Variants in CA10 observed in about 807,000 individuals in gnomAD.
CA10 encodes the protein carbonic anhydrase-related protein 10.
Under a neutral mutation model 44.2 loss-of-function variants are expected in CA10, and 14 were observed. The ratio of observed to expected loss-of-function variants is 0.32; its 90% CI spans 0.21 to 0.50. The LOEUF (loss-of-function observed/expected upper bound fraction) is 0.50, where lower values mean the gene tolerates loss of function less well. CA10 is among the 20% of genes least tolerant of loss of function. The pLI is 0.99. For missense variants in CA10, 350 were observed against 409.7 expected, an observed-to-expected ratio of 0.85 and a Z score of 1.26; for synonymous variants, 159 against 141.6, an observed-to-expected ratio of 1.12 and a Z score of -0.87.
chr17:52,130,410 C>T (rs1373428875), intron 1 of CA10, among the ~76,000 whole-genome samples: 2 of 152,118 alleles, frequency 1.3e-5, no homozygotes, highest in East Asian at 3.9e-4. Flanking sequence ...TCTAAATGTC[C>T]ATCAATTGAT....
intron 3 of CA10, among the ~76,000 whole-genome samples, chr17:51,913,585 C>A (rs1324858465): frequency 6.6e-6 from 1 of 152,086 alleles, no homozygotes; most frequent in Non-Finnish European, 1.5e-5. Flanking sequence ...TGGAGAAATA[C>A]CACTGTCATG....
chr17:52,145,996 A>G (rs1989574592), intron 1 of CA10, among the ~76,000 whole-genome samples: 1 of 152,244 alleles, frequency 6.6e-6, no homozygotes. Context: ...AGGGAAAGTT[A>G]AATATAAATA....
chr17:52,039,130 TC>T (rs1394868133), intron 2 of CA10, among the ~76,000 whole-genome samples: 1 of 152,142 alleles, frequency 6.6e-6, no homozygotes, highest in African/African-American at 2.4e-5. Flanking sequence ...ACAATTTGGT[TC>T]TTAGGAATCT....
intron 3 of CA10, among the ~76,000 whole-genome samples, chr17:51,860,816 C>T (rs1049862323): frequency 1.8e-4 from 28 of 152,098 alleles, no homozygotes; most frequent in African/African-American, 5.5e-4. Flanking sequence ...GAATAGACGC[C>T]CCTCCAGCAG....
At chr17:51,680,195 T>G (rs1037011947) in intron 4 of CA10, among the ~76,000 whole-genome samples, 3 of 152,174 alleles carry the variant, frequency 2.0e-5, no homozygotes, top group African/African-American at 7.2e-5. Flanking sequence ...GAAGACTTCA[T>G]GGAGGAAGAG....
intron 3 of CA10, among the ~76,000 whole-genome samples, chr17:51,918,487 G>A (rs1009523458): frequency 6.6e-6 from 1 of 152,136 alleles, no homozygotes; most frequent in African/African-American, 2.4e-5. Context: ...CTGTGTGCGT[G>A]TATACATTTT....
chr17:51,764,404 G>T (rs933193226), intron 3 of CA10, among the ~76,000 whole-genome samples: 1 of 152,252 alleles, frequency 6.6e-6, no homozygotes, highest in African/African-American at 2.4e-5. Context: ...GTAATTATCT[G>T]CCCCCATGTC....
chr17:51,788,073 T>G (rs1906365434), intron 3 of CA10, among the ~76,000 whole-genome samples: 1 of 152,174 alleles, frequency 6.6e-6, no homozygotes, highest in South Asian at 2.1e-4. Context: ...TTTTTCTTCT[T>G]TTTTGATGCA....
rs147995960 is a variant in CA10, at chr17:51,813,664, AT to A, written c.280-65847del. On this transcript the variant is annotated intron_variant, in intron 3 of 8. Coordinates refer to ENST00000451037, the MANE Select transcript of CA10 (RefSeq NM_020178.5). ...TGAGAGAGAGCTGGAGCTTTAGTGGATTCTCGATAAAGCTGTGTGCAATTAC... is the reference window on the plus strand; with the variant it reads ...TGAGAGAGAGCTGGAGCTTTAGTGGATCTCGATAAAGCTGTGTGCAATTAC... 6.1e-3 allele frequency among the ~76,000 whole-genome samples: 934 copies of A among 152,238 alleles called. 5 individuals carry two copies. The highest frequency in any genetic ancestry group is 0.021 in the African/African-American group (878 of 41,526).
At chr17:51,860,371 C>G (rs1183048783) in intron 3 of CA10, among the ~76,000 whole-genome samples, 2 of 152,184 alleles carry the variant, frequency 1.3e-5, no homozygotes, top group African/African-American at 2.4e-5. Flanking sequence ...GTCTTGTTTT[C>G]TTTCTCCAAA....
chr17:51,633,384 A>G (rs1912675120), intron 8 of CA10, 92 bp downstream of exon 8: 1 of 1,197,434 alleles, frequency 8.4e-7, no homozygotes, highest in Non-Finnish European at 1.2e-6. Context: ...CATTCCTATA[A>G]TGGAAGATAA....
At chr17:51,636,775 TTGTGTGTGTGTGTGTGTGTGTGTG>T (rs57428535) in intron 6 of CA10, among the ~76,000 whole-genome samples, 1 of 146,512 alleles carries the variant, frequency 6.8e-6, no homozygotes, top group Non-Finnish European at 1.5e-5. Context: ...ACTGATTATT[TTGTGTGTGTGTGTGTGTGTGTGTG>T]TGTGTGTGTG....
intron 2 of CA10, among the ~76,000 whole-genome samples, chr17:51,976,155 A>T (rs1984454642): frequency 1.3e-5 from 2 of 152,150 alleles, no homozygotes. Context: ...AATCTCTCAA[A>T]CTCTCAAAGT....
intron 3 of CA10, among the ~76,000 whole-genome samples, chr17:51,828,524 A>C (rs537923061): frequency 1.3e-5 from 2 of 152,162 alleles, no homozygotes. Flanking sequence ...TTGGGTAGAT[A>C]CTAAAAAAAA....
intron 4 of CA10, among the ~76,000 whole-genome samples, chr17:51,694,317 G>T (rs906184716): frequency 1.3e-5 from 2 of 151,970 alleles, no homozygotes; most frequent in South Asian, 4.1e-4. Context: ...GCCAGTATCT[G>T]TTGTTTTTTG....
At chr17:52,102,792 T>A (rs191719513) in intron 1 of CA10, among the ~76,000 whole-genome samples, 1 of 152,214 alleles carries the variant, frequency 6.6e-6, no homozygotes, top group Non-Finnish European at 1.5e-5. Flanking sequence ...AGTATTCTTC[T>A]CAAGAATGTA....
chr17:52,035,268 T>C (rs765870797), intron 2 of CA10, among the ~76,000 whole-genome samples: 6 of 152,168 alleles, frequency 3.9e-5, no homozygotes, highest in Non-Finnish European at 8.8e-5. Context: ...GCAGCTTGAC[T>C]TCAGAGGGAT....
chr17:51,743,211 A>T (rs1223437410), intron 4 of CA10, among the ~76,000 whole-genome samples: 1 of 152,220 alleles, frequency 6.6e-6, no homozygotes, highest in Non-Finnish European at 1.5e-5. Context: ...AACTTGTCTA[A>T]TGTATCCCAA....
chr17:51,651,708 C>A (rs1273595721), intron 5 of CA10, among the ~76,000 whole-genome samples: 1 of 152,184 alleles, frequency 6.6e-6, no homozygotes, highest in African/African-American at 2.4e-5. Flanking sequence ...GTCACTCTGT[C>A]AGCTGTCATG....
Sources: allele counts gnomAD v4.1 joint callset (sites outside exome capture counted in the v4.1 genomes callset), GRCh38; gene constraint gnomAD v4.1.1; transcripts MANE v1.5; gene names NCBI Gene and HGNC (gene_info 2026-07-23, HGNC 2026-07-21).